Variants in COL5A2 observed in about 807,000 individuals in gnomAD.
COL5A2 encodes collagen type V alpha 2 chain.
In COL5A2, 23 loss-of-function variants were observed where a neutral mutation model predicts 208.2. That is an observed-to-expected ratio of 0.11 (90% CI 0.08 to 0.16). The LOEUF is 0.16. Among genes scored for constraint, COL5A2 ranks in the 10% least tolerant of loss-of-function variants. The pLI is 1.00. For missense variants in COL5A2, 1,590 were observed against 1,956.4 expected (o/e 0.81, Z 3.53); for synonymous variants, 625 against 628.5 (o/e 0.99, Z 0.08).
the COL5A2 span, among the ~76,000 whole-genome samples, chr2:189,264,342 G>C: frequency 6.6e-6 from 1 of 152,188 alleles, no homozygotes; most frequent in Admixed American, 6.5e-5. Context: ...ACATAAATGT[G>C]TAACATCAAA....
rs6414122 is a variant in COL5A2, at chr2:189,060,822, T to A, written c.2032-39A>T. On this transcript the variant is annotated intron_variant, in intron 30 of 53. Coordinates refer to ENST00000374866, the MANE Select transcript of COL5A2 (RefSeq NM_000393.5). ...AAGAAAATAAAATTGTGAATCTGTGTAAGTTTAACAGGCTACCAGTGTTAA... is the reference window on the plus strand; with the variant it reads ...AAGAAAATAAAATTGTGAATCTGTGAAAGTTTAACAGGCTACCAGTGTTAA... 1,506,856 of 1,548,112 alleles carry A rather than the reference T, an allele frequency of 0.97. 734,089 individuals are homozygous for A. Among genetic ancestry groups the A allele is most frequent in the Non-Finnish European group, 0.98 (1,101,284 of 1,120,326 alleles).
chr2:189,104,225 T>C (rs1299070679), intron 3 of COL5A2, 39 bp downstream of exon 3: 1 of 1,443,298 alleles, frequency 6.9e-7, no homozygotes, highest in Non-Finnish European at 9.7e-7. Context: ...TGGATATAAG[T>C]CTGCTTATGA....
chr2:189,080,151 G>T, intron 13 of COL5A2, 120 bp from the exon 14 acceptor site: 2 of 757,338 alleles, frequency 2.6e-6, no homozygotes, highest in Non-Finnish European at 4.5e-6. Context: ...ATTTAAAGTT[G>T]TTGCTCAAAA....
intron 1 of COL5A2, among the ~76,000 whole-genome samples, chr2:189,113,577 AT>A (rs1211943609): frequency 6.7e-6 from 1 of 149,228 alleles, no homozygotes; most frequent in African/African-American, 2.4e-5. Flanking sequence ...GGAGTGCTAT[AT>A]TTGTTATATA....
At chr2:189,079,879 C>T in intron 14 of COL5A2, 99 bp downstream of exon 14, 2 of 1,000,910 alleles carry the variant, frequency 2.0e-6, no homozygotes, top group African/African-American at 1.6e-5. Flanking sequence ...TTGTAGCCCT[C>T]TCTCCTGCTG....
chr2:189,083,427 T>C (rs1222135995), intron 12 of COL5A2, among the ~76,000 whole-genome samples: 1 of 152,080 alleles, frequency 6.6e-6, no homozygotes, highest in Non-Finnish European at 1.5e-5. Context: ...TAAATTGTCA[T>C]GATTTTAGGA....
At chr2:189,035,593 T>G (rs1685428814) in intron 52 of COL5A2, among the ~76,000 whole-genome samples, 1 of 152,046 alleles carries the variant, frequency 6.6e-6, no homozygotes, top group African/African-American at 2.4e-5. Context: ...CAAAAAAATT[T>G]TTCTAGAGAC....
the COL5A2 span, among the ~76,000 whole-genome samples, chr2:189,410,817 A>G: frequency 6.6e-6 from 1 of 152,180 alleles, no homozygotes; most frequent in Non-Finnish European, 1.5e-5. Context: ...TTAGAAGGTA[A>G]CTCAGTAACA....
intron 1 of COL5A2, among the ~76,000 whole-genome samples, chr2:189,165,328 T>C (rs937656669): frequency 2.0e-5 from 3 of 152,144 alleles, no homozygotes; most frequent in Admixed American, 6.5e-5. Flanking sequence ...TAAATATAAA[T>C]ACATAGTAAA....
At chr2:189,278,203 C>G in the COL5A2 span, among the ~76,000 whole-genome samples, 1 of 152,110 alleles carries the variant, frequency 6.6e-6, no homozygotes, top group Non-Finnish European at 1.5e-5. Context: ...TATTCTACAT[C>G]TGGTCAGACA....
chr2:189,079,042 A>T (rs1686475222), intron 15 of COL5A2, 21 bp downstream of exon 15: 2 of 1,600,504 alleles, frequency 1.2e-6, no homozygotes, highest in African/African-American at 1.3e-5. Flanking sequence ...AAATTTAAGA[A>T]ACAAGAAAAC....
Position 189,085,161 on chromosome 2 carries a change from T to C in COL5A2, c.797A>G (p.Asp266Gly). The C allele has an allele frequency of 6.2e-7, 1 of 1,611,952 alleles. No individual in the cohort carries two copies. The highest frequency in any genetic ancestry group is 8.5e-7 in the Non-Finnish European group (1 of 1,178,812). The stretch of plus-strand genomic sequence containing the variant: ...GGAAAATGAGGAAAGGTAGCTTACA[T>C]CTTCCCCAGGTTTACCAGGAGGGCC... ...PEGPPGKPGE[D>G]GEPGRNGNPG... The change falls in exon 11 of 54, where the codon GAT becomes GGT. Residue 266 changes from aspartate to glycine, a missense_variant and splice_region_variant. Transcript: ENST00000374866.
the COL5A2 span, among the ~76,000 whole-genome samples, chr2:189,257,505 A>G: frequency 6.6e-6 from 1 of 152,254 alleles, no homozygotes; most frequent in African/African-American, 2.4e-5. Flanking sequence ...TTTAAAACAG[A>G]TTTTGCTTTT....
intron 1 of COL5A2, among the ~76,000 whole-genome samples, chr2:189,150,916 A>G (rs1688129502): frequency 6.6e-6 from 1 of 152,170 alleles, no homozygotes; most frequent in Admixed American, 6.5e-5. Context: ...AACCCATTGT[A>G]TTCTCAGTTA....
At chr2:189,097,887 T>G (rs1686953631) in intron 5 of COL5A2, among the ~76,000 whole-genome samples, 1 of 152,204 alleles carries the variant, frequency 6.6e-6, no homozygotes, top group African/African-American at 2.4e-5. Flanking sequence ...TCTTTTTACT[T>G]TACTTAGAAT....
In COL5A2 at chr2:189,152,935, G is replaced by A. The variant is rs115719419; in HGVS notation, c.97+26573C>T. 7.7e-3 allele frequency among the ~76,000 whole-genome samples: 1,167 copies of A among 152,142 alleles called. 12 individuals are homozygous for A. The highest frequency in any genetic ancestry group is 0.026 in the African/African-American group (1,079 of 41,506). The stretch of plus-strand genomic sequence containing the variant: ...ATAGTCTGCACTGTAAAATCAACAC[G>A]TGTTTAAAAAAAAGTTGGGGGAAAA... On this transcript the variant is annotated intron_variant, in intron 1 of 53. Coordinates refer to ENST00000374866, the MANE Select transcript of COL5A2 (RefSeq NM_000393.5).
In COL5A2 at chr2:189,110,431, A is replaced by G. The variant is rs1322519218; in HGVS notation, c.116T>C (p.Ile39Thr). The G allele has an allele frequency of 6.2e-7, 1 of 1,613,744 alleles. No homozygotes were observed. The highest frequency in any genetic ancestry group is 1.1e-5 in the South Asian group (1 of 91,080). Reference sequence around the variant, plus strand: ...CATCTGGCCATTCTGAGTGCAGGCTATTTCTTCACCATATCCTTCTAAAAT... The same window carrying G: ...CATCTGGCCATTCTGAGTGCAGGCTGTTTCTTCACCATATCCTTCTAAAAT... ...EDEDEGYGEEIACTQNGQMYL... is the reference protein window; with the variant it reads ...EDEDEGYGEETACTQNGQMYL... The change falls in exon 2 of 54, where the codon ATA becomes ACA. Residue 39 changes from isoleucine to threonine, a missense_variant. Ile to Thr is a moderately conservative substitution (Grantham distance 89). Transcript: ENST00000374866.
chr2:189,141,974 T>A (rs1200312306), intron 1 of COL5A2, among the ~76,000 whole-genome samples: 1 of 152,158 alleles, frequency 6.6e-6, no homozygotes, highest in Non-Finnish European at 1.5e-5. Flanking sequence ...AATGTCAAAT[T>A]CTTTTCTGGA....
At chr2:189,250,952 A>C in the COL5A2 span, among the ~76,000 whole-genome samples, 1 of 152,140 alleles carries the variant, frequency 6.6e-6, no homozygotes, top group African/African-American at 2.4e-5. Flanking sequence ...TGAATTTTTC[A>C]ATTTCTGTGA....
Sources: gnomAD v4.1 joint callset for allele counts (sites outside exome capture counted in the v4.1 genomes callset) on GRCh38, gnomAD v4.1.1 for gene constraint, MANE v1.5 for transcripts, NCBI Gene and HGNC (gene_info 2026-07-23, HGNC 2026-07-21) for gene names.